METTL15: variants seen among roughly 807,000 people sequenced by gnomAD.
METTL15 encodes methyltransferase 15, mitochondrial 12S rRNA N4-cytidine.
A neutral mutation model predicts 38.3 loss-of-function variants in METTL15; 34 were observed. That is an observed-to-expected ratio of 0.89 (90% CI 0.68 to 1.18). METTL15 has a LOEUF of 1.18. Among genes scored for constraint, METTL15 ranks in the 50% most tolerant of loss-of-function variants. The probability of loss-of-function intolerance (pLI) is 0.00; values close to 1 mark genes in which losing one functional copy is unlikely to be tolerated. For missense variants in METTL15, 438 were observed against 498.4 expected, an observed-to-expected ratio of 0.88 and a Z score of 1.15; for synonymous variants, 162 against 170.9, an observed-to-expected ratio of 0.95 and a Z score of 0.41.
At chr11:28,381,529 G>T (rs956243999) in intron 5 of METTL15, among the ~76,000 whole-genome samples, 1 of 151,892 alleles carries the variant, frequency 6.6e-6, no homozygotes, top group African/African-American at 2.4e-5. Context: ...ATATCTTATA[G>T]GCAATCTTTC....
At chr11:28,311,218 T>C (rs995957818) in intron 6 of METTL15, among the ~76,000 whole-genome samples, 1 of 152,166 alleles carries the variant, frequency 6.6e-6, no homozygotes. Context: ...TTTAATCCTT[T>C]CTCTTTCTCA....
At chr11:28,207,593 G>A (rs1158409684) in intron 3 of METTL15, among the ~76,000 whole-genome samples, 6 of 152,202 alleles carry the variant, frequency 3.9e-5, no homozygotes, top group East Asian at 1.9e-4. Flanking sequence ...GTCTCTGCCC[G>A]GCTTTGGTGT....
chr11:28,376,258 A>G (rs890824588), intron 5 of METTL15, among the ~76,000 whole-genome samples: 2 of 151,888 alleles, frequency 1.3e-5, no homozygotes, highest in African/African-American at 4.8e-5. Context: ...TCTAATGTTG[A>G]CAGTGGGGTG....
At chr11:28,439,763 C>A (rs888408687) in intron 6 of METTL15, among the ~76,000 whole-genome samples, 1 of 152,020 alleles carries the variant, frequency 6.6e-6, no homozygotes, top group Non-Finnish European at 1.5e-5. Context: ...GTGGACATAC[C>A]GAGGGGAGGG....
At chr11:28,368,048 T>C (rs777859042) in intron 5 of METTL15, among the ~76,000 whole-genome samples, 3 of 144,740 alleles carry the variant, frequency 2.1e-5, no homozygotes, top group Non-Finnish European at 4.5e-5. Context: ...AGATTTCATG[T>C]CTAAAAACAC....
At chr11:28,413,595 T>A (rs1381074930) in intron 5 of METTL15, among the ~76,000 whole-genome samples, 1 of 152,174 alleles carries the variant, frequency 6.6e-6, no homozygotes, top group Admixed American at 6.5e-5. Context: ...CCCCTTTTCT[T>A]CTGACTCTAG....
chr11:28,225,351 T>TCTGC (rs1853431640), intron 4 of METTL15, among the ~76,000 whole-genome samples: 1 of 151,932 alleles, frequency 6.6e-6, no homozygotes. Context: ...ATTACGTCTT[T>TCTGC]AAGTAGTTTA....
At chr11:28,506,208 C>T (rs1266856748) in intron 6 of METTL15, among the ~76,000 whole-genome samples, 2 of 152,200 alleles carry the variant, frequency 1.3e-5, no homozygotes, top group African/African-American at 4.8e-5. Flanking sequence ...TGGGAGGCCC[C>T]ATTGCTTTTG....
At chr11:28,333,572 T>G (rs1452305966), downstream of METTL15, 1 of 152,128 alleles carries the variant, frequency 6.6e-6, no homozygotes, top group Non-Finnish European at 1.5e-5. Context: ...GTACATCAGT[T>G]CTTAACAGTT....
At chr11:28,390,639 G>A (rs1850494135) in intron 5 of METTL15, among the ~76,000 whole-genome samples, 1 of 152,200 alleles carries the variant, frequency 6.6e-6, no homozygotes, top group African/African-American at 2.4e-5. Flanking sequence ...TAGCCTTGTA[G>A]TATAGTTTGA....
chr11:28,273,823 CA>C (rs1245385358), intron 4 of METTL15, among the ~76,000 whole-genome samples: 1 of 151,704 alleles, frequency 6.6e-6, no homozygotes, highest in Non-Finnish European at 1.5e-5. Flanking sequence ...TCTCACAGAC[CA>C]AAAAGGAATG....
At chr11:28,213,150 T>C (rs1304916384) in intron 4 of METTL15, among the ~76,000 whole-genome samples, 1 of 152,166 alleles carries the variant, frequency 6.6e-6, no homozygotes, top group East Asian at 1.9e-4. Flanking sequence ...ATCTTGAGAC[T>C]TTTTTTACTT....
At chr11:28,405,460 T>A (rs1368225096) in intron 5 of METTL15, among the ~76,000 whole-genome samples, 3 of 152,110 alleles carry the variant, frequency 2.0e-5, no homozygotes, top group Admixed American at 2.0e-4. Context: ...TCAGAGTAAT[T>A]TTGCTCAATC....
In METTL15 at chr11:28,493,656, C is replaced by T. The variant is rs527805254; in HGVS notation, c.*425-32822C>T. On this transcript the variant is annotated intron_variant and NMD_transcript_variant, in intron 6 of 7. Coordinates refer to the METTL15 transcript ENST00000532947. ...TTGCTGTTCCCTCCAAATACAACTG[C>T]GTAAAACTAATAGATTGTGGATTTT... Among the ~76,000 whole-genome samples, 30 of 152,204 alleles carry T rather than the reference C, an allele frequency of 2.0e-4. No homozygotes were observed. The South Asian group carries it at 4.8e-3, about 24-fold the overall frequency.
Position 28,421,120 on chromosome 11 carries a change from T to C in METTL15, c.*359-3179T>C, listed in dbSNP as rs1850816556. Among the ~76,000 whole-genome samples, 4 of 151,686 alleles carry C rather than the reference T, an allele frequency of 2.6e-5. No homozygotes were observed. In the South Asian group the frequency reaches 8.3e-4, roughly 31 times the overall value. On this transcript the variant is annotated intron_variant and NMD_transcript_variant, in intron 5 of 7. Coordinates refer to the METTL15 transcript ENST00000532947. ...AATTGGGAAACCTAGAAGAAATGAATAAAATTTCTAGATACACACAGCCTA... is the reference window on the plus strand; with the variant it reads ...AATTGGGAAACCTAGAAGAAATGAACAAAATTTCTAGATACACACAGCCTA...
At chr11:28,454,336 C>T (rs1422039364) in intron 6 of METTL15, among the ~76,000 whole-genome samples, 1 of 152,210 alleles carries the variant, frequency 6.6e-6, no homozygotes, top group Non-Finnish European at 1.5e-5. Context: ...CTCCCAACAA[C>T]ATCTCTGACT....
chr11:28,131,382 G>A (rs560166874), intron 3 of METTL15, among the ~76,000 whole-genome samples: 1 of 151,972 alleles, frequency 6.6e-6, no homozygotes, highest in African/African-American at 2.4e-5. Context: ...TGGTAGCCTG[G>A]TTATGTTAAC....
At chr11:28,502,114 A>AG in intron 6 of METTL15, among the ~76,000 whole-genome samples, 1 of 150,992 alleles carries the variant, frequency 6.6e-6, no homozygotes, top group South Asian at 2.1e-4. Flanking sequence ...AAAAAAAAAA[A>AG]GAAAAAAAAA....
chr11:28,274,374 A>T (rs1855762171), intron 4 of METTL15, among the ~76,000 whole-genome samples: 1 of 151,994 alleles, frequency 6.6e-6, no homozygotes, highest in South Asian at 2.1e-4. Flanking sequence ...GAAGCTAATG[A>T]CAACAGCCAA....
Sources: gnomAD v4.1 joint callset for allele counts (sites outside exome capture counted in the v4.1 genomes callset) on GRCh38, gnomAD v4.1.1 for gene constraint, MANE v1.5 for transcripts, NCBI Gene and HGNC (gene_info 2026-07-23, HGNC 2026-07-21) for gene names.